SLC38A2: variants seen among roughly 807,000 people sequenced by gnomAD.
SLC38A2 encodes sodium-coupled neutral amino acid symporter 2.
A neutral mutation model predicts 61.5 loss-of-function variants in SLC38A2; 11 were observed. The observed-to-expected ratio is 0.18, with a 90% CI of 0.11 to 0.30. The LOEUF (loss-of-function observed/expected upper bound fraction) is 0.30, where lower values mean the gene tolerates loss of function less well. Among genes scored for constraint, SLC38A2 ranks in the 10% least tolerant of loss-of-function variants. SLC38A2 has a pLI of 1.00. For missense variants in SLC38A2, 522 were observed against 600.4 expected, an observed-to-expected ratio of 0.87 and a Z score of 1.36; for synonymous variants, 217 against 212.5, an observed-to-expected ratio of 1.02 and a Z score of -0.18.
chr12:46,363,190 G>C, intron 12 of SLC38A2, 45 bp from the exon 13 acceptor site: 1 of 1,594,678 alleles, frequency 6.3e-7, no homozygotes, highest in South Asian at 1.1e-5. Context: ...GTTTTCATTG[G>C]ACACCAAGTA....
chr12:46,363,099 T>C lies in SLC38A2; in HGVS notation c.1101A>G (p.Gly367=). Residue 367 remains glycine (G), a synonymous_variant, in exon 13 of 16, where the codon GGA becomes GGG. Transcript: ENST00000256689. ...GGACAATGAGAAGAAGAATATCAGT[T>C]CCCAAGATAGAAGAGTAGGTATGAA... ...ELLHTYSSIL[G]TDILLLIVRL... 1 of 1,612,956 alleles carries C rather than the reference T, an allele frequency of 6.2e-7. No homozygotes were observed. The highest frequency in any genetic ancestry group is 8.5e-7 in the Non-Finnish European group (1 of 1,179,172).
At chr12:46,368,185 G>A (rs1452695254) in intron 4 of SLC38A2, among the ~76,000 whole-genome samples, 2 of 152,084 alleles carry the variant, frequency 1.3e-5, no homozygotes, top group Non-Finnish European at 2.9e-5. Context: ...CATTTTAAGA[G>A]GCACTACAAG....
At chr12:46,368,863 C>G (rs1943166034) in intron 4 of SLC38A2, among the ~76,000 whole-genome samples, 1 of 152,308 alleles carries the variant, frequency 6.6e-6, no homozygotes, top group Admixed American at 6.5e-5. Flanking sequence ...CCTTTGAGGT[C>G]ACTTTCAACC....
intron 10 of SLC38A2, 139 bp from the exon 11 acceptor site, chr12:46,364,142 T>C: frequency 1.2e-6 from 1 of 809,752 alleles, no homozygotes; most frequent in Non-Finnish European, 1.9e-6. Context: ...ATTCTTCTAA[T>C]CTGTTCATGA....
At position 46,358,459 on chromosome 12, in the gene SLC38A2, G is replaced by T. The variant is rs959668928; in HGVS notation, c.*2652C>A. 2.6e-5 allele frequency: 4 copies of T among 152,530 alleles called. No individual in the cohort carries two copies. Among genetic ancestry groups the T allele is most frequent in the Non-Finnish European group, 5.9e-5 (4 of 68,026 alleles). 9.4% of individuals were successfully genotyped at this position (152,530 alleles called of 1,614,324 possible). A position where few individuals can be genotyped will look rare whatever the true frequency, so the allele number is the denominator to read the frequency against. ...TTCCTTATTTAAATTTTAAATAAGAGATCTGAATTTGTACCAAGATTTCAT... is the reference window on the plus strand; with the variant it reads ...TTCCTTATTTAAATTTTAAATAAGATATCTGAATTTGTACCAAGATTTCAT... On this transcript the variant is annotated 3_prime_UTR_variant, in exon 16 of 16. Coordinates refer to ENST00000256689, the MANE Select transcript of SLC38A2 (RefSeq NM_018976.5).
rs749607726 is a variant in SLC38A2, at chr12:46,364,522, A to G, written c.740T>C (p.Val247Ala). Reference protein sequence around the residue: ...ICKKFQVPCPVEAALIINETI... With the variant: ...ICKKFQVPCPAEAALIINETI... ...TTCGTTAATTATCAAAGCAGCTTCC[A>G]CAGGACACGGAACCTGAAATTTCTT... is the stretch of plus-strand genomic sequence containing the variant. Residue 247 changes from valine to alanine, a missense_variant, in exon 10 of 16, where the codon GTG (valine) becomes GCG (alanine). By Grantham distance (64) the Val-to-Ala change is moderately conservative (BLOSUM62 0). This residue lies in a region of SLC38A2 where 309 missense variants were observed against 343.9 expected (regional missense o/e 0.90). Transcript: ENST00000256689. 5.6e-6 allele frequency: 9 copies of G among 1,611,850 alleles called. No homozygotes were observed. Among genetic ancestry groups the G allele is most frequent in the Admixed American group, 5.0e-5 (3 of 59,628 alleles).
Position 46,358,844 on chromosome 12 carries a change from C to T in SLC38A2, c.*2267G>A, listed in dbSNP as rs1943050596. The stretch of plus-strand genomic sequence containing the variant: ...GAAACATCCACGGAAGACAGTAATG[C>T]AAAATGAGGTGACAAGACAGTGGTT... On this transcript the variant is annotated 3_prime_UTR_variant, in exon 16 of 16. Transcript: ENST00000256689. 6.6e-6 allele frequency: 1 copy of T among 152,464 alleles called. No homozygotes were observed. The highest frequency in any genetic ancestry group is 6.6e-5 in the Admixed American group (1 of 15,266). The allele number at this position is 152,464 out of a possible 1,614,324, so 9.4% of individuals were successfully genotyped here.
chr12:46,366,500 T>C (rs1400962183), intron 7 of SLC38A2, among the ~76,000 whole-genome samples: 1 of 152,080 alleles, frequency 6.6e-6, no homozygotes, highest in African/African-American at 2.4e-5. Flanking sequence ...TCTTAAGAAT[T>C]CCAAACTTAC....
Position 46,363,919 on chromosome 12 carries a change from C to G in SLC38A2, c.953+5G>C. ...CTCAAATTTATGTAAAAATGAAATA[C>G]TCACTCTTTCAGTTCTTCATAGATG... On this transcript the variant is annotated splice_donor_5th_base_variant and intron_variant, in intron 11 of 15. Coordinates refer to ENST00000256689, the MANE Select transcript of SLC38A2 (RefSeq NM_018976.5). 6.2e-7 allele frequency: 1 copy of G among 1,603,500 alleles called. No homozygotes were observed. Among genetic ancestry groups the G allele is most frequent in the Non-Finnish European group, 8.5e-7 (1 of 1,176,218 alleles).
chr12:46,367,260 A>C lies in SLC38A2; in HGVS notation c.388+7T>G, dbSNP rs766100223. ...TTGTTTTAGAAAAATCAAGAATGCT[A>C]TCATACCTCCTTCATTGGCAGTCTT... On this transcript the variant is annotated splice_region_variant and intron_variant, in intron 5 of 15. Coordinates refer to ENST00000256689, the MANE Select transcript of SLC38A2 (RefSeq NM_018976.5). 6.3e-7 allele frequency: 1 copy of C among 1,592,444 alleles called. No homozygotes were observed. The highest frequency in any genetic ancestry group is 8.6e-7 in the Non-Finnish European group (1 of 1,160,644).
chr12:46,372,165 C>A (rs991228373), intron 1 of SLC38A2, among the ~76,000 whole-genome samples: 9 of 152,244 alleles, frequency 5.9e-5, no homozygotes, highest in African/African-American at 2.2e-4. Context: ...ATTCCTGGCT[C>A]CCTGGACTTA....
rs763965737 is a variant in SLC38A2 at position 46,364,017 on chromosome 12, T to TA, written c.874-15dup. On this transcript the variant is annotated splice_polypyrimidine_tract_variant and intron_variant, in intron 10 of 15. Coordinates refer to ENST00000256689, the MANE Select transcript of SLC38A2 (RefSeq NM_018976.5). ...AGCATAGACAGTCTGAAAGAAAACG[T>TA]AAAAATCTACTTAATCTGATGTAAC... is the stretch of plus-strand genomic sequence containing the variant. 3 of 1,594,408 alleles carry TA rather than the reference T, an allele frequency of 1.9e-6. No homozygotes were observed. Among genetic ancestry groups the TA allele is most frequent in the Admixed American group, 1.8e-5 (1 of 55,904 alleles).
At position 46,371,216 on chromosome 12, in the gene SLC38A2, G is replaced by A. The variant is rs1473572820; in HGVS notation, c.78C>T (p.Phe26=). 6.2e-7 allele frequency: 1 copy of A among 1,614,124 alleles called. No homozygotes were observed. ...DSSSYSSNSD[F]NYSYPTKQAA... ...CTTGCTTGGTGGGGTAGGAGTAGTTGAAGTCGCTGTTGGAACTGTAGCTGC... is the reference window on the plus strand; with the variant it reads ...CTTGCTTGGTGGGGTAGGAGTAGTTAAAGTCGCTGTTGGAACTGTAGCTGC... The change falls in exon 2 of 16, where the codon TTC becomes TTT. Residue 26 remains phenylalanine, a synonymous_variant. Coordinates refer to ENST00000256689, the MANE Select transcript of SLC38A2 (RefSeq NM_018976.5).
chr12:46,362,537 A>C lies in SLC38A2; in HGVS notation c.1281T>G (p.Leu427=). The change falls in exon 14 of 16, where the codon CTT becomes CTG. Residue 427 remains leucine (L), a synonymous_variant. Coordinates refer to ENST00000256689, the MANE Select transcript of SLC38A2 (RefSeq NM_018976.5). Reference sequence around the variant, plus strand: ...CCCTAATAGTTGGGACAAAGATGACAAGTAAATTGGTAAATGCCAAGATAG... The same window carrying C: ...CCCTAATAGTTGGGACAAAGATGACCAGTAAATTGGTAAATGCCAAGATAG... The part of the protein sequence containing the change: ...TVSILAFTNL[L]VIFVPTIRDI... 2.5e-6 allele frequency: 4 copies of C among 1,599,522 alleles called. No homozygotes were observed. The highest frequency in any genetic ancestry group is 3.4e-6 in the Non-Finnish European group (4 of 1,176,518).
intron 7 of SLC38A2, among the ~76,000 whole-genome samples, chr12:46,366,419 G>C (rs1479010249): frequency 1.3e-5 from 2 of 152,060 alleles, no homozygotes; most frequent in Non-Finnish European, 2.9e-5. Flanking sequence ...GTAGTGTCAT[G>C]TTGGCACTCA....
intron 8 of SLC38A2, 138 bp downstream of exon 8, chr12:46,364,969 T>G: frequency 1.2e-6 from 1 of 837,012 alleles, no homozygotes. Flanking sequence ...GGCTCCTAAA[T>G]TTTGCATGCT....
Position 46,366,767 on chromosome 12 carries a change from T to A in SLC38A2, c.563+97A>T, listed in dbSNP as rs1280178964. The A allele has an allele frequency of 4.7e-6, 5 of 1,066,432 alleles. No homozygotes were observed. The East Asian group carries it at 8.1e-5, about 17-fold the overall frequency. 66.1% of individuals were successfully genotyped at this position (1,066,432 alleles called of 1,614,324 possible). On this transcript the variant is annotated intron_variant, in intron 7 of 15. Transcript: ENST00000256689. Reference sequence around the variant, plus strand: ...CAGTTTCAAAAGGAACATTTATGGATAATTAACTAATCATTTTGTATACAA... The same window carrying A: ...CAGTTTCAAAAGGAACATTTATGGAAAATTAACTAATCATTTTGTATACAA...
In SLC38A2 at chr12:46,371,384, G is replaced by T; in HGVS notation, c.-86-5C>A. Reference sequence around the variant, plus strand: ...TGCAGCGGCCCGCGAGTCGGCCTGCGAAAGTAGAGGCGGCGCGTCAGGACC... The same window carrying T: ...TGCAGCGGCCCGCGAGTCGGCCTGCTAAAGTAGAGGCGGCGCGTCAGGACC... On this transcript the variant is annotated splice_polypyrimidine_tract_variant and splice_region_variant and intron_variant, in intron 1 of 15. Transcript: ENST00000256689. 1 of 1,016,284 alleles carries T rather than the reference G, an allele frequency of 9.8e-7. No individual in the cohort carries two copies. The highest frequency in any genetic ancestry group is 1.4e-5 in the South Asian group (1 of 73,894). The allele number at this position is 1,016,284 out of a possible 1,614,324, so 63.0% of individuals were successfully genotyped here. A position where few individuals can be genotyped will look rare whatever the true frequency, so the allele number is the denominator to read the frequency against.
At position 46,370,530 on chromosome 12, in the gene SLC38A2, G is replaced by T; in HGVS notation, c.296C>A (p.Thr99Asn). The change falls in exon 4 of 16, where the codon ACT becomes AAT. Residue 99 changes from threonine (T) to asparagine (N), a missense_variant. Physicochemically the swap from Thr to Asn is moderately conservative, Grantham distance 65 (BLOSUM62 0). Transcript: ENST00000256689. ...TACTTACATAAAAAGAGCAATTCCAGTATTAGCCATGGCATAAGAAAGCCC... is the reference window on the plus strand; with the variant it reads ...TACTTACATAAAAAGAGCAATTCCATTATTAGCCATGGCATAAGAAAGCCC... ...ILGLSYAMAN[T>N]GIALFIILLT... The T allele has an allele frequency of 6.2e-7, 1 of 1,613,384 alleles. No individual in the cohort carries two copies. The highest frequency in any genetic ancestry group is 8.5e-7 in the Non-Finnish European group (1 of 1,179,336).
Sources: allele counts gnomAD v4.1 joint callset (sites outside exome capture counted in the v4.1 genomes callset), GRCh38; gene constraint gnomAD v4.1.1; regional missense constraint gnomAD v4.1.1; transcripts MANE v1.5; gene names NCBI Gene and HGNC (gene_info 2026-07-23, HGNC 2026-07-21).